The following POU2F1 variants were observed in gnomAD, a reference collection of about 807,000 sequenced individuals.
POU2F1 encodes POU class 2 homeobox 1.
Under a neutral mutation model 84.9 loss-of-function variants are expected in POU2F1, and 16 were observed. The observed-to-expected ratio is 0.19, with a 90% CI of 0.13 to 0.29. The LOEUF is 0.29. Among genes scored for constraint, POU2F1 ranks in the 10% least tolerant of loss-of-function variants. POU2F1 has a pLI of 1.00. For missense variants in POU2F1, 738 were observed against 942.6 expected (o/e 0.78, Z 2.84); for synonymous variants, 368 against 368.3 (o/e 1.00, Z 0.01).
At chr1:167,240,117 A>T (rs146268337) in intron 1 of POU2F1, among the ~76,000 whole-genome samples, 2,701 of 152,332 alleles carry the variant, frequency 0.018, 26 homozygotes, top group Non-Finnish European at 0.025. Flanking sequence ...AATATATGGT[A>T]GAAAAGTATT....
At chr1:167,386,186 A>C (rs1647960468) in intron 8 of POU2F1, among the ~76,000 whole-genome samples, 1 of 151,728 alleles carries the variant, frequency 6.6e-6, no homozygotes, top group Non-Finnish European at 1.5e-5. Flanking sequence ...TTATTTTGGC[A>C]GTTTCTTTTT....
rs148675822 is a variant in POU2F1, at chr1:167,293,756, C to T, written c.62-38714C>T. On this transcript the variant is annotated intron_variant, in intron 1 of 15. Transcript: ENST00000367866. ...AGCAACATGGTACTGGTATAAAAGTCGGCATGTAGACCAATGGAACAGGAC... is the reference window on the plus strand; with the variant it reads ...AGCAACATGGTACTGGTATAAAAGTTGGCATGTAGACCAATGGAACAGGAC... 2.2e-3 allele frequency among the ~76,000 whole-genome samples: 341 copies of T among 152,094 alleles called. 2 individuals are homozygous for T. The highest frequency in any genetic ancestry group is 7.6e-3 in the African/African-American group (317 of 41,488).
At chr1:167,401,422 T>G (rs1444905548) in intron 12 of POU2F1, 29 bp from the exon 13 acceptor site, 2 of 1,489,566 alleles carry the variant, frequency 1.3e-6, no homozygotes, top group Admixed American at 1.8e-5. Context: ...TTTAAGTGCT[T>G]TGTCCATGTT....
chr1:167,246,879 A>G (rs542455556), intron 1 of POU2F1, among the ~76,000 whole-genome samples: 1 of 152,332 alleles, frequency 6.6e-6, no homozygotes, highest in South Asian at 2.1e-4. Context: ...ATTTTTAAAA[A>G]TCATCAAAAT....
At chr1:167,396,011 A>G (rs937626206) in intron 9 of POU2F1, among the ~76,000 whole-genome samples, 1 of 152,352 alleles carries the variant, frequency 6.6e-6, no homozygotes, top group Non-Finnish European at 1.5e-5. Flanking sequence ...AAATTTTGGT[A>G]TCTCCATGAT....
In POU2F1 at chr1:167,220,945, G is replaced by GGCA. The variant is rs913644881; in HGVS notation, c.59_61dup (p.Ala20dup). ...GTCAAGATGAGAGTTCAGCCGCGGC[G>GGCA]GCAGCAGCAGCAGGTAATCATTACA... On this transcript the variant is annotated inframe_insertion, in exon 1 of 16. Coordinates refer to ENST00000367866, the MANE Select transcript of POU2F1 (RefSeq NM_002697.4). 1.0e-5 allele frequency: 16 copies of GGCA among 1,535,212 alleles called. No individual in the cohort carries two copies. Among genetic ancestry groups the GGCA allele is most frequent in the Admixed American group, 2.0e-5 (1 of 50,976 alleles).
intron 1 of POU2F1, among the ~76,000 whole-genome samples, chr1:167,248,449 G>A (rs1156762055): frequency 2.0e-5 from 3 of 152,202 alleles, no homozygotes; most frequent in African/African-American, 7.2e-5. Context: ...AGAACTCACA[G>A]TTCGGTAGGG....
chr1:167,367,990 A>G lies in POU2F1; in HGVS notation c.229-2171A>G, dbSNP rs979050747. ...ACCATTTACTTCTAAATACTTCAGC[A>G]TGTTTTTCCTAAAAACAGCATTCTC... On this transcript the variant is annotated intron_variant, in intron 3 of 15. Transcript: ENST00000367866. 3.9e-5 allele frequency among the ~76,000 whole-genome samples: 6 copies of G among 152,276 alleles called. No homozygotes were observed. The East Asian group carries it at 1.2e-3, about 29-fold the overall frequency.
At chr1:167,383,633 A>G (rs972051023) in intron 7 of POU2F1, 5 of 394,372 alleles carry the variant, frequency 1.3e-5, no homozygotes, top group Non-Finnish European at 2.3e-5. Context: ...TATTCAGATT[A>G]TGCCAAAGAC....
intron 8 of POU2F1, chr1:167,387,273 A>T (rs1432317578): frequency 4.4e-6 from 2 of 454,978 alleles, no homozygotes; most frequent in Non-Finnish European, 8.8e-6. Context: ...TTAGTCCTTT[A>T]TTATTTGAGA....
At chr1:167,244,730 A>G (rs934566221) in intron 1 of POU2F1, among the ~76,000 whole-genome samples, 12 of 152,226 alleles carry the variant, frequency 7.9e-5, no homozygotes, top group Non-Finnish European at 1.8e-4. Context: ...GTAAGCTTTA[A>G]GAGCATACAG....
intron 1 of POU2F1, among the ~76,000 whole-genome samples, chr1:167,241,017 C>T (rs1649862174): frequency 6.6e-6 from 1 of 152,074 alleles, no homozygotes; most frequent in Non-Finnish European, 1.5e-5. Flanking sequence ...TGGTGCGTGC[C>T]TGTAATCCCA....
At chr1:167,253,375 TGCCCC>T (rs1650872848) in intron 1 of POU2F1, among the ~76,000 whole-genome samples, 2 of 28,658 alleles carry the variant, frequency 7.0e-5, no homozygotes, top group East Asian at 3.4e-3. Context: ...TTTATTTTTC[TGCCCC>T]CCCCCCCCCA....
chr1:167,315,077 C>T (rs1157556149), intron 1 of POU2F1, among the ~76,000 whole-genome samples: 1 of 152,140 alleles, frequency 6.6e-6, no homozygotes, highest in Non-Finnish European at 1.5e-5. Flanking sequence ...TTGTAAGCCT[C>T]CTGAGATCTC....
At chr1:167,248,881 C>T (rs979326322) in intron 1 of POU2F1, among the ~76,000 whole-genome samples, 4 of 151,854 alleles carry the variant, frequency 2.6e-5, no homozygotes, top group African/African-American at 7.3e-5. Context: ...TATAATTATC[C>T]CCATTTTACA....
At chr1:167,231,779 A>G (rs1373504367) in intron 1 of POU2F1, among the ~76,000 whole-genome samples, 1 of 152,212 alleles carries the variant, frequency 6.6e-6, no homozygotes, top group Non-Finnish European at 1.5e-5. Flanking sequence ...GCTAATCTGG[A>G]CAAGAGGATT....
At chr1:167,308,286 CG>C in intron 1 of POU2F1, among the ~76,000 whole-genome samples, 1 of 152,074 alleles carries the variant, frequency 6.6e-6, no homozygotes, top group Non-Finnish European at 1.5e-5. Flanking sequence ...ATTCTGGTCT[CG>C]AACTCCCAAT....
At chr1:167,383,171 T>C (rs1384409937) in intron 7 of POU2F1, among the ~76,000 whole-genome samples, 1 of 152,228 alleles carries the variant, frequency 6.6e-6, no homozygotes, top group African/African-American at 2.4e-5. Context: ...TTAAACTCTT[T>C]ACTCTGTATT....
chr1:167,336,066 ATAC>A (rs1366711323), intron 2 of POU2F1, among the ~76,000 whole-genome samples: 3 of 152,232 alleles, frequency 2.0e-5, no homozygotes, highest in Non-Finnish European at 4.4e-5. Flanking sequence ...CTATATGTAG[ATAC>A]TATTTTATCA....
Sources: gnomAD v4.1 joint callset for allele counts (sites outside exome capture counted in the v4.1 genomes callset) on GRCh38, gnomAD v4.1.1 for gene constraint, MANE v1.5 for transcripts, NCBI Gene and HGNC (gene_info 2026-07-23, HGNC 2026-07-21) for gene names.